The following EGFL6 variants were observed in gnomAD, a reference collection of about 807,000 sequenced individuals.
EGFL6 encodes EGF like domain multiple 6.
In EGFL6, 42 loss-of-function variants were observed where a neutral mutation model predicts 43.1. The ratio of observed to expected loss-of-function variants is 0.98; its 90% CI spans 0.76 to 1.26. EGFL6 has a LOEUF of 1.26. EGFL6 is among the 50% of genes most tolerant of loss of function. The pLI is 0.00. For synonymous variants in EGFL6, 164 were observed against 163.2 expected (o/e 1.01, Z -0.04); for missense variants, 429 against 427.8 (o/e 1.00, Z -0.02).
chrX:13,615,407 C>G (rs187393645), intron 7 of EGFL6, among the ~76,000 whole-genome samples: 1 of 112,150 alleles, frequency 8.9e-6, no homozygotes, highest in East Asian at 2.8e-4. Context: ...TTACTGATTG[C>G]AAAAAGGAAA....
rs2045825782 is a variant in EGFL6 at position 13,633,533 on chromosome X, T to G, written c.*438T>G. On this transcript the variant is annotated 3_prime_UTR_variant, in exon 12 of 12. Transcript: ENST00000361306. ...TTAGCTGGGTCTTTCATAGCCAAAC[T>G]TGTATATTTAAATTCTTTGTAATAA... The G allele has an allele frequency of 8.8e-6, 1 of 113,261 alleles. No individual in the cohort carries two copies. The highest frequency in any genetic ancestry group is 3.6e-4 in the South Asian group (1 of 2,756). The allele number at this position is 113,261 out of a possible 1,213,427, so 9.3% of individuals were successfully genotyped here.
intron 1 of EGFL6, among the ~76,000 whole-genome samples, chrX:13,573,402 T>G (rs145120586): frequency 2.4e-3 from 267 of 112,495 alleles, no homozygotes; most frequent in African/African-American, 7.6e-3. Flanking sequence ...AAGAGCTGTG[T>G]GTTTCTGGGA....
chrX:13,604,632 T>C (rs926529965), intron 5 of EGFL6, among the ~76,000 whole-genome samples: 11 of 112,290 alleles, frequency 9.8e-5, no homozygotes, highest in African/African-American at 3.2e-4. Context: ...CTTTGGTTCC[T>C]TTGTGGATTT....
intron 9 of EGFL6, among the ~76,000 whole-genome samples, chrX:13,619,746 G>T (rs1402309622): frequency 9.0e-6 from 1 of 111,601 alleles, no homozygotes; most frequent in East Asian, 2.8e-4. Context: ...AGCTAGGCTG[G>T]GTGGGCTCAC....
intron 1 of EGFL6, among the ~76,000 whole-genome samples, chrX:13,577,300 ATATATATATATATATATATATATATAT>A (rs2045477573): frequency 5.0e-5 from 4 of 80,573 alleles, no homozygotes; most frequent in Non-Finnish European, 9.1e-5. Context: ...TATGAATTTT[ATATATATATATATATATATATATATAT>A]ATATATATAT....
intron 2 of EGFL6, among the ~76,000 whole-genome samples, chrX:13,591,381 G>A (rs1460528311): frequency 9.0e-6 from 1 of 111,597 alleles, no homozygotes; most frequent in East Asian, 2.8e-4. Context: ...AAAAGGGCAA[G>A]TGCAGGGGGT....
At chrX:13,579,880 C>G (rs1244471349) in intron 1 of EGFL6, among the ~76,000 whole-genome samples, 1 of 111,110 alleles carries the variant, frequency 9.0e-6, no homozygotes, top group Non-Finnish European at 1.9e-5. Flanking sequence ...GACCTCTCCA[C>G]AGGGCTGCTT....
intron 1 of EGFL6, among the ~76,000 whole-genome samples, chrX:13,580,881 T>G (rs1316885059): frequency 3.6e-5 from 4 of 112,266 alleles, no homozygotes; most frequent in African/African-American, 1.3e-4. Flanking sequence ...ATCTTCCATC[T>G]TATATCATTC....
At chrX:13,593,245 A>T (rs1230825343) in intron 2 of EGFL6, among the ~76,000 whole-genome samples, 1 of 111,222 alleles carries the variant, frequency 9.0e-6, no homozygotes, top group Non-Finnish European at 1.9e-5. Flanking sequence ...TGGTTATGAT[A>T]CCTGTACTGT....
chrX:13,575,201 C>T (rs749498796), intron 1 of EGFL6: 3 of 113,091 alleles, frequency 2.7e-5, no homozygotes, highest in African/African-American at 9.7e-5. Flanking sequence ...GAGACCGAGG[C>T]AGGCAGATCA....
rs2045823796 is a variant in EGFL6, at chrX:13,633,267, TATC to T, written c.*175_*177del. On this transcript the variant is annotated 3_prime_UTR_variant, in exon 12 of 12. Coordinates refer to ENST00000361306, the MANE Select transcript of EGFL6 (RefSeq NM_015507.4). The stretch of plus-strand genomic sequence containing the variant: ...AAGATATGCCAATATTTGCTTTAAA[TATC>T]ATATCACTGTATCTTCTCAGTCATT... 8 of 394,463 alleles carry T rather than the reference TATC, an allele frequency of 2.0e-5. No individual in the cohort carries two copies. In the South Asian group the frequency reaches 2.6e-4, roughly 13 times the overall value. 32.5% of individuals were successfully genotyped at this position (394,463 alleles called of 1,213,427 possible).
intron 1 of EGFL6, among the ~76,000 whole-genome samples, chrX:13,584,538 A>G (rs181080475): frequency 1.8e-5 from 2 of 111,427 alleles, no homozygotes; most frequent in Non-Finnish European, 3.8e-5. Context: ...TTCCTACTCA[A>G]CACCTCTTCT....
In EGFL6 at chrX:13,569,799, A is replaced by G; in HGVS notation, c.-63A>G. 1 of 1,136,940 alleles carries G rather than the reference A, an allele frequency of 8.8e-7. No homozygotes were observed. The highest frequency in any genetic ancestry group is 1.8e-5 in the South Asian group (1 of 54,658). The allele number at this position is 1,136,940 out of a possible 1,213,427, so 93.7% of individuals were successfully genotyped here. A position where few individuals can be genotyped will look rare whatever the true frequency, so the allele number is the denominator to read the frequency against. On this transcript the variant is annotated 5_prime_UTR_variant, in exon 1 of 12. Transcript: ENST00000361306. ...GAGAGGAGGCGGCGGCTTAGCTGCT[A>G]CGGGGTCCGGCCGGCGCCCTCCCGA...
chrX:13,616,954 C>G (rs2146703793), intron 7 of EGFL6, among the ~76,000 whole-genome samples: 1 of 108,297 alleles, frequency 9.2e-6, no homozygotes, highest in Admixed American at 9.8e-5. Context: ...ACTGCAAGCT[C>G]CGCTTCCCGG....
intron 2 of EGFL6, among the ~76,000 whole-genome samples, chrX:13,593,611 G>A (rs189310514): frequency 1.2e-3 from 139 of 111,986 alleles, no homozygotes; most frequent in Middle Eastern, 4.6e-3. Flanking sequence ...GTCACAAGCT[G>A]TGGTGGGGAA....
chrX:13,630,399 G>C, intron 11 of EGFL6, among the ~76,000 whole-genome samples: 1 of 111,426 alleles, frequency 9.0e-6, no homozygotes, highest in East Asian at 2.8e-4. Context: ...AGGGGTCTTA[G>C]TGTTGGAAAA....
At chrX:13,600,188 TA>T in intron 4 of EGFL6, 94 bp downstream of exon 4, 1 of 938,002 alleles carries the variant, frequency 1.1e-6, no homozygotes, top group African/African-American at 2.0e-5. Flanking sequence ...AGTGATTTTT[TA>T]AAAAATCTCT....
chrX:13,618,773 T>C (rs2045733643), intron 8 of EGFL6, among the ~76,000 whole-genome samples: 1 of 111,060 alleles, frequency 9.0e-6, no homozygotes, highest in African/African-American at 3.3e-5. Context: ...GGTGGTCATA[T>C]ATACAAATGC....
At chrX:13,594,789 C>T in intron 2 of EGFL6, 47 bp from the exon 3 acceptor site, 2 of 1,151,500 alleles carry the variant, frequency 1.7e-6, no homozygotes, top group South Asian at 1.9e-5. Flanking sequence ...CATTTCACTA[C>T]ACTAACTACT....
Sources: allele counts gnomAD v4.1 joint callset (sites outside exome capture counted in the v4.1 genomes callset), GRCh38; gene constraint gnomAD v4.1.1; transcripts MANE v1.5; gene names NCBI Gene and HGNC (gene_info 2026-07-23, HGNC 2026-07-21).